Variants in HACD2 observed in about 807,000 individuals in gnomAD.
HACD2 encodes the protein very-long-chain (3R)-3-hydroxyacyl-CoA dehydratase 2.
A neutral mutation model predicts 31.0 loss-of-function variants in HACD2; 15 were observed. That is an observed-to-expected ratio of 0.48 (90% CI 0.32 to 0.75). HACD2 has a LOEUF of 0.75. Ranked by LOEUF, HACD2 falls within the 30% of genes least tolerant of loss-of-function variation. HACD2 has a pLI of 0.03. For missense variants in HACD2, 283 were observed against 313.0 expected (o/e 0.90, Z 0.72); for synonymous variants, 115 against 122.2 (o/e 0.94, Z 0.39).
In HACD2 at chr3:123,567,800, A is replaced by C; in HGVS notation, c.274-20T>G. 1 of 1,464,828 alleles carries C rather than the reference A, an allele frequency of 6.8e-7. No individual in the cohort carries two copies. Among genetic ancestry groups the C allele is most frequent in the South Asian group, 1.3e-5 (1 of 75,582 alleles). The allele number at this position is 1,464,828 out of a possible 1,614,324, so 90.7% of individuals were successfully genotyped here. A position where few individuals can be genotyped will look rare whatever the true frequency, so the allele number is the denominator to read the frequency against. ...TAAAATCTAGAGGAAAAAAGGGGAAAAAAGAGGAGAATTAGTAAGAATCAA... is the reference window on the plus strand; with the variant it reads ...TAAAATCTAGAGGAAAAAAGGGGAACAAAGAGGAGAATTAGTAAGAATCAA... On this transcript the variant is annotated intron_variant, in intron 2 of 6. Transcript: ENST00000383657.
chr3:123,540,251 T>TA (rs1473300207), intron 3 of HACD2, among the ~76,000 whole-genome samples: 1 of 152,172 alleles, frequency 6.6e-6, no homozygotes, highest in Non-Finnish European at 1.5e-5. Context: ...GCTGTCCAAA[T>TA]ATCTGCCACT....
At chr3:123,500,461 T>C (rs745855430) in intron 6 of HACD2, 54 bp downstream of exon 6, 28 of 1,185,112 alleles carry the variant, frequency 2.4e-5, no homozygotes, top group Non-Finnish European at 3.3e-5. Context: ...TATTTAGTTA[T>C]TGTAGAGCCA....
intron 2 of HACD2, among the ~76,000 whole-genome samples, chr3:123,572,262 T>C (rs2056862894): frequency 6.6e-6 from 1 of 152,152 alleles, no homozygotes; most frequent in African/African-American, 2.4e-5. Context: ...TCTTAACACT[T>C]TGGGAGGCCA....
chr3:123,557,414 G>A (rs1407764633), intron 3 of HACD2, among the ~76,000 whole-genome samples: 2 of 152,220 alleles, frequency 1.3e-5, no homozygotes, highest in Non-Finnish European at 1.5e-5. Context: ...ACCAGGCTGA[G>A]GTGGGAGGGT....
At chr3:123,523,358 G>GC (rs1390887235) in intron 4 of HACD2, among the ~76,000 whole-genome samples, 1 of 152,234 alleles carries the variant, frequency 6.6e-6, no homozygotes, top group Non-Finnish European at 1.5e-5. Context: ...TTCAGAAGCT[G>GC]CTCAGTGAAA....
intron 3 of HACD2, among the ~76,000 whole-genome samples, chr3:123,564,668 A>G (rs2056772249): frequency 6.6e-6 from 1 of 152,200 alleles, no homozygotes; most frequent in South Asian, 2.1e-4. Flanking sequence ...GAAAGAGCCT[A>G]CCATAAATCT....
intron 4 of HACD2, among the ~76,000 whole-genome samples, chr3:123,504,711 G>A (rs1003240158): frequency 3.3e-5 from 5 of 152,290 alleles, no homozygotes; most frequent in Non-Finnish European, 7.3e-5. Flanking sequence ...CAGCTGTGAA[G>A]ACGATGGCAT....
intron 2 of HACD2, among the ~76,000 whole-genome samples, chr3:123,569,860 A>T (rs1030451719): frequency 2.6e-5 from 4 of 151,882 alleles, no homozygotes; most frequent in Non-Finnish European, 5.9e-5. Flanking sequence ...ATAGTGGCGC[A>T]TGCCTGTAGT....
intron 6 of HACD2, among the ~76,000 whole-genome samples, chr3:123,498,478 G>A (rs542324995): frequency 2.6e-5 from 4 of 152,168 alleles, no homozygotes; most frequent in Admixed American, 2.0e-4. Context: ...GTGGGCAAAT[G>A]AGCATTACTG....
intron 3 of HACD2, among the ~76,000 whole-genome samples, chr3:123,546,020 C>A (rs563943791): frequency 2.0e-4 from 31 of 151,496 alleles, no homozygotes; most frequent in South Asian, 4.2e-4. Flanking sequence ...TCAAATATAT[C>A]AAAAAAAATC....
At chr3:123,511,886 GAGTA>G (rs2056068128) in intron 4 of HACD2, among the ~76,000 whole-genome samples, 1 of 152,110 alleles carries the variant, frequency 6.6e-6, no homozygotes, top group South Asian at 2.1e-4. Flanking sequence ...GGGAGAGGGT[GAGTA>G]AGTCCTTACT....
intron 4 of HACD2, among the ~76,000 whole-genome samples, chr3:123,514,823 C>T (rs1165380798): frequency 6.6e-6 from 1 of 152,176 alleles, no homozygotes; most frequent in African/African-American, 2.4e-5. Context: ...TTCCCATTAG[C>T]AGGGCTAATT....
At chr3:123,537,480 G>A (rs1174216802) in intron 3 of HACD2, among the ~76,000 whole-genome samples, 1 of 151,678 alleles carries the variant, frequency 6.6e-6, no homozygotes, top group African/African-American at 2.4e-5. Context: ...TGGGAGGAAC[G>A]CTTGAACCAG....
chr3:123,502,933 A>C, intron 4 of HACD2: 3 of 385,368 alleles, frequency 7.8e-6, no homozygotes, highest in African/African-American at 2.0e-5. Context: ...GGGGTAACAA[A>C]CACGAGGGGT....
chr3:123,502,782 C>G (rs1307355007), intron 4 of HACD2, 101 bp from the exon 5 acceptor site: 1 of 1,253,180 alleles, frequency 8.0e-7, no homozygotes, highest in East Asian at 2.5e-5. Context: ...GGCACAGCCG[C>G]TGGTCTCTAT....
intron 3 of HACD2, among the ~76,000 whole-genome samples, chr3:123,551,752 G>C (rs1351717527): frequency 2.6e-5 from 4 of 152,120 alleles, no homozygotes; most frequent in African/African-American, 9.7e-5. Flanking sequence ...TTTATCTATA[G>C]AGATTAATCA....
intron 3 of HACD2, among the ~76,000 whole-genome samples, chr3:123,560,319 C>T (rs144507986): frequency 2.0e-5 from 3 of 152,250 alleles, no homozygotes; most frequent in East Asian, 3.9e-4. Flanking sequence ...TGGTCTTGAC[C>T]GTTAGAGCTC....
At position 123,493,364 on chromosome 3, in the gene HACD2, A is replaced by C. The variant is rs2055789783; in HGVS notation, c.*1524T>G. ...GAGCGAGACTCCGTCTCAAGAGAAA[A>C]AAAAAATTTAGTTTTCCAGTATGAG... On this transcript the variant is annotated 3_prime_UTR_variant, in exon 7 of 7. Transcript: ENST00000383657. 6.6e-6 allele frequency: 1 copy of C among 152,236 alleles called. No homozygotes were observed. The highest frequency in any genetic ancestry group is 2.1e-4 in the South Asian group (1 of 4,826). 9.4% of individuals were successfully genotyped at this position (152,236 alleles called of 1,614,324 possible). A position where few individuals can be genotyped will look rare whatever the true frequency, so the allele number is the denominator to read the frequency against.
chr3:123,555,437 T>C (rs551771664), intron 3 of HACD2, among the ~76,000 whole-genome samples: 26 of 152,226 alleles, frequency 1.7e-4, no homozygotes, highest in African/African-American at 5.8e-4. Flanking sequence ...GTCAATTGCC[T>C]TTCTCTGTAC....
Sources: gnomAD v4.1 joint callset for allele counts (sites outside exome capture counted in the v4.1 genomes callset) on GRCh38, gnomAD v4.1.1 for gene constraint, MANE v1.5 for transcripts, NCBI Gene and HGNC (gene_info 2026-07-23, HGNC 2026-07-21) for gene names.